The following NIPAL3 variants were observed in gnomAD, a reference collection of about 807,000 sequenced individuals.
NIPAL3 encodes the protein NIPA like domain containing 3.
NIPAL3 carries 41 observed loss-of-function variants against 47.2 expected under a neutral mutation model. That is an observed-to-expected ratio of 0.87 (90% confidence interval 0.68 to 1.13). NIPAL3 has a LOEUF of 1.13. Ranked by LOEUF, NIPAL3 falls within the 50% of genes most tolerant of loss-of-function variation. The pLI is 0.00. For missense variants in NIPAL3, 449 were observed against 530.1 expected (o/e 0.85, Z 1.50); for synonymous variants, 194 against 209.6 (o/e 0.93, Z 0.64).
chr1:24,459,960 C>T (rs184614672), intron 9 of NIPAL3, among the ~76,000 whole-genome samples: 125 of 152,338 alleles, frequency 8.2e-4, no homozygotes, highest in Non-Finnish European at 1.2e-3. Flanking sequence ...AGGCCCACCC[C>T]ACTCCCATAC....
At chr1:24,453,282 C>A in intron 6 of NIPAL3, 126 bp from the exon 7 acceptor site, 1 of 654,022 alleles carries the variant, frequency 1.5e-6, no homozygotes. Flanking sequence ...TTGGGAAATG[C>A]TGAATCATAG....
At chr1:24,457,456 A>C (rs572783929) in intron 8 of NIPAL3, among the ~76,000 whole-genome samples, 4 of 152,328 alleles carry the variant, frequency 2.6e-5, no homozygotes, top group Non-Finnish European at 5.9e-5. Context: ...GCTCAGGCTC[A>C]GACTGAAGGT....
In NIPAL3 at chr1:24,456,171, C is replaced by T; in HGVS notation, c.671C>T (p.Ala224Val). 6.2e-7 allele frequency: 1 copy of T among 1,614,214 alleles called. No homozygotes were observed. Among genetic ancestry groups the T allele is most frequent in the Non-Finnish European group, 8.5e-7 (1 of 1,180,018 alleles). The change falls in exon 8 of 12, where the codon GCT becomes GTT. Residue 224 changes from alanine (A) to valine (V), a missense_variant. Ala to Val is a moderately conservative substitution (Grantham distance 64). Coordinates refer to ENST00000374399, the MANE Select transcript of NIPAL3 (RefSeq NM_020448.5). ...ACAGTGGTGACAGTCAAGGCCGTGG[C>T]TGGGATGCTTGTCTTGTCCATTCAA... ...SMTVVTVKAVAGMLVLSIQGN... is the reference protein window; with the variant it reads ...SMTVVTVKAVVGMLVLSIQGN...
intron 8 of NIPAL3, chr1:24,457,745 C>A (rs1339551081): frequency 3.7e-6 from 2 of 533,388 alleles, no homozygotes; most frequent in East Asian, 5.4e-5. Flanking sequence ...TTCTCCAAGA[C>A]AGATTCTTCA....
At chr1:24,443,804 G>GGCAA (rs1645516455) in intron 4 of NIPAL3, among the ~76,000 whole-genome samples, 1 of 152,092 alleles carries the variant, frequency 6.6e-6, no homozygotes, top group African/African-American at 2.4e-5. Flanking sequence ...GCCTTTCCCT[G>GGCAA]TTGTCTTACT....
chr1:24,428,143 G>A (rs1215446710), intron 2 of NIPAL3, among the ~76,000 whole-genome samples: 2 of 152,168 alleles, frequency 1.3e-5, no homozygotes, highest in East Asian at 3.9e-4. Context: ...AGGAGGCTGA[G>A]GTGGGAGTAT....
At position 24,469,112 on chromosome 1, in the gene NIPAL3, T is replaced by C. The variant is rs773852813; in HGVS notation, c.1148T>C (p.Met383Thr). 7 of 1,614,172 alleles carry C rather than the reference T, an allele frequency of 4.3e-6. No homozygotes were observed. The East Asian group carries it at 8.9e-5, about 21-fold the overall frequency. ...EIYAPATLPVMQEEHGSRSAS... is the reference protein window; with the variant it reads ...EIYAPATLPVTQEEHGSRSAS... ...TACGCTCCTGCCACCCTGCCAGTCA[T>C]GCAAGAAGAGCACGGCTCCAGAAGT... The change falls in exon 12 of 12, where the codon ATG becomes ACG. Residue 383 changes from methionine to threonine, a missense_variant. Transcript: ENST00000374399.
intron 2 of NIPAL3, among the ~76,000 whole-genome samples, chr1:24,437,593 A>G (rs567855741): frequency 1.3e-5 from 2 of 152,300 alleles, no homozygotes; most frequent in South Asian, 4.1e-4. Context: ...GTCTGGAACC[A>G]GGAGGTCTGG....
Position 24,456,176 on chromosome 1 carries a change from A to G in NIPAL3, c.676A>G (p.Met226Val), listed in dbSNP as rs759705767. Reference protein sequence around the residue: ...TVVTVKAVAGMLVLSIQGNLQ... With the variant: ...TVVTVKAVAGVLVLSIQGNLQ... ...GGTGACAGTCAAGGCCGTGGCTGGGATGCTTGTCTTGTCCATTCAAGGGAA... is the reference window on the plus strand; with the variant it reads ...GGTGACAGTCAAGGCCGTGGCTGGGGTGCTTGTCTTGTCCATTCAAGGGAA... The change falls in exon 8 of 12, where the codon ATG becomes GTG. Residue 226 changes from methionine (M) to valine (V), a missense_variant. Physicochemically the swap from Met to Val is conservative, Grantham distance 21. Transcript: ENST00000374399. 1 of 1,614,010 alleles carries G rather than the reference A, an allele frequency of 6.2e-7. No individual in the cohort carries two copies. Among genetic ancestry groups the G allele is most frequent in the Non-Finnish European group, 8.5e-7 (1 of 1,180,030 alleles).
At chr1:24,466,119 A>T in intron 11 of NIPAL3, 1 of 1,599,442 alleles carries the variant, frequency 6.3e-7, no homozygotes, top group Non-Finnish European at 8.5e-7. Context: ...GACTTCTTAA[A>T]AATGAGATCG....
chr1:24,443,072 G>C lies in NIPAL3; in HGVS notation c.334+846G>C, dbSNP rs530664885. Among the ~76,000 whole-genome samples the C allele has an allele frequency of 2.0e-5, 3 of 152,224 alleles. No homozygotes were observed. The East Asian group carries it at 5.8e-4, about 29-fold the overall frequency. On this transcript the variant is annotated intron_variant, in intron 4 of 11. Coordinates refer to ENST00000374399, the MANE Select transcript of NIPAL3 (RefSeq NM_020448.5). The stretch of plus-strand genomic sequence containing the variant: ...GCCTGCCTTTCCTCCCAAAGTGCTG[G>C]GACTACAATTGTAAGCCACCACACT...
In NIPAL3 at chr1:24,458,741, C is replaced by T. The variant is rs192374264; in HGVS notation, c.774-147C>T. ...CCCCAGACTAGGGATACACAATGTC[C>T]TGTAACATGAGGGTGGCATTTTTAG... On this transcript the variant is annotated intron_variant, in intron 8 of 11. Transcript: ENST00000374399. 107 of 635,800 alleles carry T rather than the reference C, an allele frequency of 1.7e-4. No individual in the cohort carries two copies. In the African/African-American group the frequency reaches 1.8e-3, roughly 11 times the overall value. 39.4% of individuals were successfully genotyped at this position (635,800 alleles called of 1,614,324 possible). A position where few individuals can be genotyped will look rare whatever the true frequency, so the allele number is the denominator to read the frequency against.
At chr1:24,433,680 A>G (rs987917400) in intron 2 of NIPAL3, among the ~76,000 whole-genome samples, 3 of 152,226 alleles carry the variant, frequency 2.0e-5, no homozygotes, top group Admixed American at 2.0e-4. Context: ...TTGGGAAGGA[A>G]AAGAGAGACA....
At position 24,432,015 on chromosome 1, in the gene NIPAL3, T is replaced by C. The variant is rs75086315; in HGVS notation, c.94-8157T>C. ...CAATGTGATTACGTAGTCAGTTCAATGTATGTTATGTGAGGACAAGGACAG... is the reference window on the plus strand; with the variant it reads ...CAATGTGATTACGTAGTCAGTTCAACGTATGTTATGTGAGGACAAGGACAG... On this transcript the variant is annotated intron_variant, in intron 2 of 11. Coordinates refer to ENST00000374399, the MANE Select transcript of NIPAL3 (RefSeq NM_020448.5). Among the ~76,000 whole-genome samples the C allele has an allele frequency of 3.7e-3, 568 of 151,934 alleles. 6 individuals carry two copies. The highest frequency in any genetic ancestry group is 0.013 in the African/African-American group (532 of 41,438).
chr1:24,463,883 C>T, intron 10 of NIPAL3, 143 bp from the exon 11 acceptor site: 1 of 568,924 alleles, frequency 1.8e-6, no homozygotes. Flanking sequence ...AGGCTGGCAG[C>T]CTCTCAGGGC....
At chr1:24,423,243 T>C (rs1644414093) in intron 2 of NIPAL3, among the ~76,000 whole-genome samples, 1 of 152,252 alleles carries the variant, frequency 6.6e-6, no homozygotes. Flanking sequence ...CCATTTCTAA[T>C]GTAATGATAG....
intron 2 of NIPAL3, chr1:24,419,933 T>G: frequency 3.6e-6 from 1 of 280,170 alleles, no homozygotes; most frequent in Non-Finnish European, 7.0e-6. Flanking sequence ...AACACAAAGA[T>G]TGGCTGGGCG....
chr1:24,436,492 CTT>C (rs964709493), intron 2 of NIPAL3, among the ~76,000 whole-genome samples: 8 of 144,642 alleles, frequency 5.5e-5, no homozygotes, highest in African/African-American at 2.5e-5. Context: ...TTATGTTTGT[CTT>C]TTTTTTTTTT....
rs1433257753 is a variant in NIPAL3 at position 24,456,158 on chromosome 1, G to A, written c.658G>A (p.Val220Ile). Residue 220 changes from valine (V) to isoleucine (I), a missense_variant, in exon 8 of 12, where the codon GTC becomes ATC. Coordinates refer to ENST00000374399, the MANE Select transcript of NIPAL3 (RefSeq NM_020448.5). ...TGCAGGCTCCATGACAGTGGTGACA[G>A]TCAAGGCCGTGGCTGGGATGCTTGT... ...ALLGSMTVVT[V>I]KAVAGMLVLS... 6.2e-7 allele frequency: 1 copy of A among 1,614,114 alleles called. No homozygotes were observed. Among genetic ancestry groups the A allele is most frequent in the Non-Finnish European group, 8.5e-7 (1 of 1,180,044 alleles).
Sources: allele counts gnomAD v4.1 joint callset (sites outside exome capture counted in the v4.1 genomes callset), GRCh38; gene constraint gnomAD v4.1.1; transcripts MANE v1.5; gene names NCBI Gene and HGNC (gene_info 2026-07-23, HGNC 2026-07-21).